The following FAM107A variants were observed in gnomAD, a reference collection of about 807,000 sequenced individuals.
FAM107A encodes the protein actin-associated protein FAM107A.
In FAM107A, 19 loss-of-function variants were observed where a neutral mutation model predicts 13.7. That is an observed-to-expected ratio of 1.38 (90% CI 0.97 to 2.03). The LOEUF (loss-of-function observed/expected upper bound fraction) is 2.03. FAM107A is among the 30% of genes most tolerant of loss of function. FAM107A has a pLI of 0.00. For missense variants in FAM107A, 203 were observed against 184.4 expected (o/e 1.10, Z -0.58); for synonymous variants, 82 against 74.5 (o/e 1.10, Z -0.52).
At chr3:58,570,335 C>A (rs1413598475) in intron 1 of FAM107A, 5 of 971,024 alleles carry the variant, frequency 5.1e-6, no homozygotes, top group Non-Finnish European at 4.9e-6. Context: ...CCCTTATTGT[C>A]TAACTCTATC....
At chr3:58,598,594 A>G (rs149880762) in intron 1 of FAM107A, among the ~76,000 whole-genome samples, 2 of 152,320 alleles carry the variant, frequency 1.3e-5, no homozygotes, top group African/African-American at 4.8e-5. Context: ...AAAATAGTTC[A>G]CACAAGTAAT....
upstream of FAM107A, among the ~76,000 whole-genome samples, chr3:58,578,073 G>C (rs6445990): frequency 0.22 from 33,879 of 152,030 alleles, 4,612 homozygotes; most frequent in East Asian, 0.48. Flanking sequence ...GTCAAATGTG[G>C]AGCATACCAG....
upstream of FAM107A, among the ~76,000 whole-genome samples, chr3:58,591,881 G>T (rs1381175974): frequency 2.0e-5 from 3 of 152,318 alleles, no homozygotes; most frequent in Middle Eastern, 3.4e-3. This position sits in a 1 kb window ranked among gnomAD's most constrained non-coding sequence, Gnocchi z 4.3. Flanking sequence ...CTTATTGAGG[G>T]AATGAATGAA....
Position 58,615,903 on chromosome 3 carries a change from A to C in FAM107A, c.-70+11513T>G, listed in dbSNP as rs1054377473. Among the ~76,000 whole-genome samples, 615 of 149,342 alleles carry C rather than the reference A, an allele frequency of 4.1e-3. 2 individuals carry two copies. The highest frequency in any genetic ancestry group is 0.018 in the Middle Eastern group (5 of 284). On this transcript the variant is annotated intron_variant, in intron 1 of 3. Coordinates refer to the FAM107A transcript ENST00000465970. Reference sequence around the variant, plus strand: ...GACAGAGCCAGACCCTGTCTCAAAAAAAAAAAAAAAAAAAAAAAAGGACTT... The same window carrying C: ...GACAGAGCCAGACCCTGTCTCAAAACAAAAAAAAAAAAAAAAAAAGGACTT...
intron 2 of FAM107A, among the ~76,000 whole-genome samples, chr3:58,568,188 A>G (rs1297121740): frequency 2.0e-5 from 3 of 152,142 alleles, no homozygotes; most frequent in Admixed American, 2.0e-4. Context: ...TAATCCCAGC[A>G]CTTTGGGAGG....
At chr3:58,606,398 T>G (rs1214766008) in intron 1 of FAM107A, among the ~76,000 whole-genome samples, 1 of 152,228 alleles carries the variant, frequency 6.6e-6, no homozygotes, top group Non-Finnish European at 1.5e-5. Flanking sequence ...GCCCGGCCTA[T>G]GCAGACATCT....
Position 58,577,346 on chromosome 3 carries a change from G to A in FAM107A, c.-43C>T, listed in dbSNP as rs2108052476. On this transcript the variant is annotated 5_prime_UTR_variant, in exon 1 of 4. In the 5' UTR this introduces an upstream ATG that the reference lacks. Coordinates refer to ENST00000360997, the MANE Select transcript of FAM107A (RefSeq NM_001076778.3). The surrounding 1 kb of genome is among the most constrained non-coding windows in gnomAD (Gnocchi z 4.9). ...GTCCTTGGGAAGGGAAGTCAGGAGC[G>A]TGTTGCTGGGTTCCTCACTCCACCG... 5.1e-6 allele frequency: 5 copies of A among 985,434 alleles called. No homozygotes were observed. The highest frequency in any genetic ancestry group is 3.5e-5 in the African/African-American group (2 of 57,356). The allele number at this position is 985,434 out of a possible 1,614,324, so 61.0% of individuals were successfully genotyped here.
chr3:58,595,700 G>GCGCA (rs1553629108), intron 1 of FAM107A, among the ~76,000 whole-genome samples: 1,831 of 150,972 alleles, frequency 0.012, 38 homozygotes, highest in African/African-American at 0.041. Context: ...CTTGTTGCGT[G>GCGCA]CACACACACA....
At position 58,613,436 on chromosome 3, in the gene FAM107A, A is replaced by G. The variant is rs886875102; in HGVS notation, c.-70+13980T>C. Among the ~76,000 whole-genome samples the G allele has an allele frequency of 5.9e-5, 9 of 151,518 alleles. No homozygotes were observed. The highest frequency in any genetic ancestry group is 1.0e-4 in the Non-Finnish European group (7 of 67,900). The stretch of plus-strand genomic sequence containing the variant: ...TGGCCTGGTTCCTCTGACTTCATCA[A>G]CCTCTGGCCCCTGTGTCCTCTCTCT... On this transcript the variant is annotated intron_variant, in intron 1 of 3. Transcript: ENST00000465970. This position sits in a 1 kb window ranked among gnomAD's most constrained non-coding sequence, Gnocchi z 4.6.
At chr3:58,572,329 G>T (rs4681866) in intron 1 of FAM107A, among the ~76,000 whole-genome samples, 1 of 151,908 alleles carries the variant, frequency 6.6e-6, no homozygotes, top group African/African-American at 2.4e-5. Context: ...CAATGAAAAC[G>T]AAAGACCACA....
At chr3:58,587,701 G>T (rs1447735297), upstream of FAM107A, among the ~76,000 whole-genome samples, 1 of 152,142 alleles carries the variant, frequency 6.6e-6, no homozygotes, top group Non-Finnish European at 1.5e-5. Flanking sequence ...TGGAGTGTCT[G>T]TAACAATCAG....
intron 3 of FAM107A, 134 bp from the exon 4 acceptor site, chr3:58,566,829 C>A: frequency 1.4e-6 from 1 of 691,686 alleles, no homozygotes; most frequent in East Asian, 2.6e-5. Flanking sequence ...TTGCTATCAG[C>A]CTGGTAGCTG....
intron 1 of FAM107A, among the ~76,000 whole-genome samples, chr3:58,608,125 A>C (rs888432695): frequency 2.0e-5 from 3 of 152,154 alleles, no homozygotes; most frequent in African/African-American, 4.8e-5. Context: ...CATGAGTCAC[A>C]TCACCACACT....
upstream of FAM107A, among the ~76,000 whole-genome samples, chr3:58,581,667 G>A (rs1439290175): frequency 6.6e-6 from 1 of 152,184 alleles, no homozygotes; most frequent in East Asian, 1.9e-4. Flanking sequence ...AGCTGTGCTG[G>A]CAGAAAGAAC....
intron 1 of FAM107A, among the ~76,000 whole-genome samples, chr3:58,608,413 A>C (rs1466056011): frequency 1.3e-5 from 2 of 152,208 alleles, no homozygotes; most frequent in Non-Finnish European, 2.9e-5. Flanking sequence ...CAAATGAGAG[A>C]TCCTAAGCCT....
At chr3:58,581,459 G>A (rs1297668266), upstream of FAM107A, among the ~76,000 whole-genome samples, 4 of 152,144 alleles carry the variant, frequency 2.6e-5, no homozygotes, top group Non-Finnish European at 5.9e-5. Context: ...CTGGGCCCAC[G>A]AACATCAAAC....
chr3:58,582,117 G>A (rs148891964), upstream of FAM107A, among the ~76,000 whole-genome samples: 499 of 152,350 alleles, frequency 3.3e-3, 1 homozygote, highest in African/African-American at 0.011. Flanking sequence ...ATTCCTGGCA[G>A]CATAGTTGCT....
upstream of FAM107A, among the ~76,000 whole-genome samples, chr3:58,589,750 G>A (rs2065640636): frequency 6.6e-6 from 1 of 152,142 alleles, no homozygotes; most frequent in Non-Finnish European, 1.5e-5. Flanking sequence ...TCTGTTCCAG[G>A]ATCCCTCCAG....
At chr3:58,619,899 T>TG (rs2065937001) in intron 1 of FAM107A, among the ~76,000 whole-genome samples, 2 of 151,928 alleles carry the variant, frequency 1.3e-5, no homozygotes. Context: ...GGGTGGGGAA[T>TG]GTGAGAATTT....
Sources: gnomAD v4.1 joint callset for allele counts (sites outside exome capture counted in the v4.1 genomes callset) on GRCh38, gnomAD v4.1.1 for gene constraint, Gnocchi (gnomAD v3.1) non-coding constraint, MANE v1.5 for transcripts, NCBI Gene and HGNC (gene_info 2026-07-23, HGNC 2026-07-21) for gene names.